Variants in HTR7 observed in about 807,000 individuals in gnomAD.
HTR7 encodes 5-hydroxytryptamine receptor 7.
HTR7 carries 16 observed loss-of-function variants against 34.0 expected under a neutral mutation model. The ratio of observed to expected loss-of-function variants is 0.47; its 90% CI spans 0.32 to 0.71. The LOEUF (loss-of-function observed/expected upper bound fraction) is 0.71. Ranked by LOEUF, HTR7 falls within the 30% of genes least tolerant of loss-of-function variation. The pLI, the probability that HTR7 is intolerant of heterozygous loss-of-function variation, is 0.04. For synonymous variants in HTR7, 265 were observed against 260.2 expected, an observed-to-expected ratio of 1.02 and a Z score of -0.18; for missense variants, 504 against 625.5, an observed-to-expected ratio of 0.81 and a Z score of 2.07.
chr10:90,776,825 T>C (rs1482665718), intron 1 of HTR7, among the ~76,000 whole-genome samples: 1 of 152,226 alleles, frequency 6.6e-6, no homozygotes, highest in Non-Finnish European at 1.5e-5. Flanking sequence ...TTTTCTTTGC[T>C]GATTACAAAG....
In HTR7 at chr10:90,857,593, C is replaced by A. The variant is rs748407201; in HGVS notation, c.79G>T (p.Gly27Trp). The change falls in exon 1 of 4, where the codon GGG (glycine) becomes TGG (tryptophan). Residue 27 changes from glycine to tryptophan, a missense_variant. Gly to Trp is a radical substitution (Grantham distance 184). Around this residue, in one of 4 missense-constraint regions of HTR7, gnomAD observed 139 missense variants for 117.1 expected, o/e 1.19. Coordinates refer to ENST00000336152, the MANE Select transcript of HTR7 (RefSeq NM_019859.4). The surrounding 1 kb of genome is among the most constrained non-coding windows in gnomAD (Gnocchi z 6.5). ...CCGTCGGGGCTCAAGTCGGGCAGCC[C>A]GCGCCCCACTTCTGGCAGAAGGAAA... Reference protein sequence around the residue: ...RSFLLPEVGRGLPDLSPDGGA... With the variant: ...RSFLLPEVGRWLPDLSPDGGA... 4 of 1,595,820 alleles carry A rather than the reference C, an allele frequency of 2.5e-6. No individual in the cohort carries two copies. Among genetic ancestry groups the A allele is most frequent in the Middle Eastern group, 2.0e-4 (1 of 5,086 alleles).
At chr10:90,815,114 T>C (rs990475840) in intron 1 of HTR7, among the ~76,000 whole-genome samples, 16 of 151,542 alleles carry the variant, frequency 1.1e-4, no homozygotes, top group Admixed American at 7.9e-4. Flanking sequence ...TTTTTTGAGA[T>C]GTAGTCTCAC....
At chr10:90,762,757 T>C (rs1171378767) in intron 1 of HTR7, among the ~76,000 whole-genome samples, 1 of 152,096 alleles carries the variant, frequency 6.6e-6, no homozygotes, top group Non-Finnish European at 1.5e-5. Context: ...CTTGGAGTTT[T>C]ATGGTGTCAG....
chr10:90,847,662 C>T (rs1228358986), intron 1 of HTR7, among the ~76,000 whole-genome samples: 1 of 152,158 alleles, frequency 6.6e-6, no homozygotes, highest in Non-Finnish European at 1.5e-5. Context: ...CAGCCAGATA[C>T]CAATCAGAGC....
At position 90,742,478 on chromosome 10, in the gene HTR7, G is replaced by T; in HGVS notation, c.*4C>A. ...TTGTTTATTTCATCTCCATTGTTCT[G>T]CTTTCAATCATGAATCATGACCTTT... is the stretch of plus-strand genomic sequence containing the variant. On this transcript the variant is annotated 3_prime_UTR_variant, in exon 4 of 4. Coordinates refer to ENST00000336152, the MANE Select transcript of HTR7 (RefSeq NM_019859.4). 6.3e-7 allele frequency: 1 copy of T among 1,599,560 alleles called. No homozygotes were observed. The highest frequency in any genetic ancestry group is 1.7e-4 in the Middle Eastern group (1 of 6,034).
intron 1 of HTR7, among the ~76,000 whole-genome samples, chr10:90,784,796 T>C (rs993511302): frequency 7.2e-5 from 11 of 152,192 alleles, no homozygotes; most frequent in Non-Finnish European, 1.5e-5. Context: ...TCCAGAACAA[T>C]GTGTAATAGC....
intron 1 of HTR7, among the ~76,000 whole-genome samples, chr10:90,855,808 A>G (rs1846570519): frequency 6.6e-6 from 1 of 152,346 alleles, no homozygotes; most frequent in East Asian, 1.9e-4. Flanking sequence ...ACCATGATAT[A>G]TAAAATGGTA....
In HTR7 at chr10:90,816,116, G is replaced by A. The variant is rs1039269572; in HGVS notation, c.539+41017C>T. Reference sequence around the variant, plus strand: ...GAGCAAAGAGCTACTTTCTCCCTAGGACTGCGTCTGAAGCTATGCGAGGAG... The same window carrying A: ...GAGCAAAGAGCTACTTTCTCCCTAGAACTGCGTCTGAAGCTATGCGAGGAG... On this transcript the variant is annotated intron_variant, in intron 1 of 3. Coordinates refer to ENST00000336152, the MANE Select transcript of HTR7 (RefSeq NM_019859.4). Among the ~76,000 whole-genome samples, 3 of 152,180 alleles carry A rather than the reference G, an allele frequency of 2.0e-5. No individual in the cohort carries two copies. The East Asian group carries it at 5.8e-4, about 29-fold the overall frequency.
At chr10:90,799,485 A>G (rs1235460293) in intron 1 of HTR7, among the ~76,000 whole-genome samples, 1 of 152,154 alleles carries the variant, frequency 6.6e-6, no homozygotes, top group Non-Finnish European at 1.5e-5. Context: ...CATTAGATCA[A>G]AACCCCTAAC....
At chr10:90,771,896 T>A (rs1021091285) in intron 1 of HTR7, among the ~76,000 whole-genome samples, 4 of 149,600 alleles carry the variant, frequency 2.7e-5, no homozygotes, top group Non-Finnish European at 4.5e-5. Context: ...AAAAATCCTA[T>A]AACAAAATGA....
intron 1 of HTR7, among the ~76,000 whole-genome samples, chr10:90,802,490 C>T (rs778773673): frequency 3.4e-4 from 51 of 152,132 alleles, no homozygotes; most frequent in Non-Finnish European, 6.0e-4. Flanking sequence ...AAAATTACCA[C>T]CTGGGCTTTA....
intron 1 of HTR7, among the ~76,000 whole-genome samples, chr10:90,828,019 T>C (rs553765029): frequency 6.6e-6 from 1 of 152,344 alleles, no homozygotes; most frequent in South Asian, 2.1e-4. Context: ...GTATCTTCTC[T>C]GACCACAATG....
intron 1 of HTR7, among the ~76,000 whole-genome samples, chr10:90,802,147 C>G (rs914127491): frequency 1.3e-5 from 2 of 152,122 alleles, no homozygotes; most frequent in African/African-American, 2.4e-5. Context: ...GCTGTGGGCT[C>G]CTGAGAGGGA....
At chr10:90,753,988 G>A (rs2119692375) in intron 1 of HTR7, among the ~76,000 whole-genome samples, 1 of 152,090 alleles carries the variant, frequency 6.6e-6, no homozygotes, top group Admixed American at 6.5e-5. Context: ...AGTTTTACCT[G>A]AGATGAAGAA....
chr10:90,760,829 C>T (rs973912352), intron 1 of HTR7, among the ~76,000 whole-genome samples: 3 of 151,930 alleles, frequency 2.0e-5, no homozygotes, highest in Admixed American at 6.6e-5. Flanking sequence ...TGCAGTGAGC[C>T]GAGATTGCGC....
At chr10:90,804,502 T>TC (rs1241818397) in intron 1 of HTR7, among the ~76,000 whole-genome samples, 2 of 152,006 alleles carry the variant, frequency 1.3e-5, no homozygotes, top group South Asian at 2.1e-4. Flanking sequence ...CTAAAGGCAC[T>TC]CCCCCCAGCT....
intron 1 of HTR7, among the ~76,000 whole-genome samples, chr10:90,823,955 A>G (rs1245218486): frequency 1.3e-5 from 2 of 152,200 alleles, no homozygotes; most frequent in African/African-American, 2.4e-5. Context: ...TGCCTCCTGT[A>G]GAGCCTTCAG....
intron 1 of HTR7, among the ~76,000 whole-genome samples, chr10:90,836,220 C>G (rs1242456215): frequency 6.6e-6 from 1 of 152,130 alleles, no homozygotes; most frequent in Non-Finnish European, 1.5e-5. Context: ...ATGGCATTCC[C>G]TGAAGCCTCA....
chr10:90,809,463 C>A (rs1845765439), intron 1 of HTR7, among the ~76,000 whole-genome samples: 1 of 152,188 alleles, frequency 6.6e-6, no homozygotes, highest in African/African-American at 2.4e-5. Context: ...CATTTTATTA[C>A]CCAATCTGCT....
Sources: gnomAD v4.1 joint callset for allele counts (sites outside exome capture counted in the v4.1 genomes callset) on GRCh38, gnomAD v4.1.1 for gene constraint, gnomAD v4.1.1 regional missense constraint, Gnocchi (gnomAD v3.1) non-coding constraint, MANE v1.5 for transcripts, NCBI Gene and HGNC (gene_info 2026-07-23, HGNC 2026-07-21) for gene names.